The following MYO5B variants were observed in gnomAD, a reference collection of about 807,000 sequenced individuals.
MYO5B encodes the protein myosin VB.
A neutral mutation model predicts 229.3 loss-of-function variants in MYO5B; 143 were observed. The ratio of observed to expected loss-of-function variants is 0.62; its 90% confidence interval spans 0.54 to 0.72. The LOEUF (loss-of-function observed/expected upper bound fraction) is 0.72. Ranked by LOEUF, MYO5B falls within the 30% of genes least tolerant of loss-of-function variation. MYO5B has a pLI of 0.00. For missense variants in MYO5B, 2,321 were observed against 2,331.0 expected (o/e 1.00, Z 0.09); for synonymous variants, 918 against 885.2 (o/e 1.04, Z -0.66).
At chr18:49,957,158 A>AG (rs1389828154) in intron 12 of MYO5B, among the ~76,000 whole-genome samples, 2 of 150,346 alleles carry the variant, frequency 1.3e-5, no homozygotes, top group Non-Finnish European at 3.0e-5. Context: ...AAAAAAAAAA[A>AG]AAAAAAAGCA....
intron 1 of MYO5B, among the ~76,000 whole-genome samples, chr18:50,087,652 C>T (rs2031360094): frequency 6.6e-6 from 1 of 151,828 alleles, no homozygotes. Context: ...CTGTGTCTGT[C>T]ATCTATGCAG....
intron 1 of MYO5B, among the ~76,000 whole-genome samples, chr18:50,149,751 T>A (rs1051948932): frequency 5.3e-5 from 8 of 152,112 alleles, no homozygotes; most frequent in African/African-American, 1.5e-4. Context: ...AACCTAGGCA[T>A]TACCATTCAG....
chr18:50,099,510 T>G (rs2031614528), intron 1 of MYO5B, among the ~76,000 whole-genome samples: 1 of 152,210 alleles, frequency 6.6e-6, no homozygotes. Flanking sequence ...CTGGCTTAGA[T>G]GCAAAGCCAG....
intron 1 of MYO5B, among the ~76,000 whole-genome samples, chr18:50,085,438 G>A (rs1444980751): frequency 6.6e-6 from 1 of 151,964 alleles, no homozygotes; most frequent in Non-Finnish European, 1.5e-5. Context: ...AGGATGTGGA[G>A]AAATAGGAAC....
intron 39 of MYO5B, among the ~76,000 whole-genome samples, chr18:49,828,176 A>G (rs2023869242): frequency 6.6e-6 from 1 of 152,240 alleles, no homozygotes. Context: ...TGTATAAGGT[A>G]TCCTCAAATA....
At chr18:49,827,830 A>T (rs2023865359) in intron 39 of MYO5B, among the ~76,000 whole-genome samples, 1 of 151,912 alleles carries the variant, frequency 6.6e-6, no homozygotes, top group African/African-American at 2.4e-5. Flanking sequence ...AAGTTCAATG[A>T]ACTCCAAGCA....
intron 1 of MYO5B, among the ~76,000 whole-genome samples, chr18:50,145,723 T>G (rs1238588425): frequency 6.6e-6 from 1 of 151,936 alleles, no homozygotes; most frequent in African/African-American, 2.4e-5. Context: ...TCAAAAGAGG[T>G]TGGAACTGAA....
At chr18:50,097,429 T>A (rs2031573846) in intron 1 of MYO5B, 1 of 362,626 alleles carries the variant, frequency 2.8e-6, no homozygotes, top group Non-Finnish European at 5.6e-6. Flanking sequence ...ATAAAACTTG[T>A]TTGGGCCACA....
rs578046370 is a variant in MYO5B, at chr18:50,185,807, A to G, written c.27+8960T>C. The stretch of plus-strand genomic sequence containing the variant: ...TATTTTTAAGAAAAAATTACAGTAC[A>G]TCCATATGCTGCCTTGTGCAGCCAT... On this transcript the variant is annotated intron_variant, in intron 1 of 39. Coordinates refer to ENST00000285039, the MANE Select transcript of MYO5B (RefSeq NM_001080467.3). Among the ~76,000 whole-genome samples the G allele has an allele frequency of 1.5e-4, 23 of 152,258 alleles. 1 individual carries two copies. Among genetic ancestry groups the G allele is most frequent in the African/African-American group, 5.5e-4 (23 of 41,528 alleles).
intron 1 of MYO5B, among the ~76,000 whole-genome samples, chr18:50,133,975 G>A (rs976085961): frequency 6.6e-6 from 1 of 152,158 alleles, no homozygotes; most frequent in African/African-American, 2.4e-5. Context: ...AAGAAAAGAT[G>A]GGGCAATGAA....
intron 17 of MYO5B, among the ~76,000 whole-genome samples, chr18:49,922,393 T>C (rs1490485820): frequency 6.6e-6 from 1 of 152,184 alleles, no homozygotes; most frequent in Non-Finnish European, 1.5e-5. Context: ...ATTACAGGTA[T>C]AAGAGCTTCC....
chr18:50,052,207 A>G (rs1389531593), intron 2 of MYO5B, among the ~76,000 whole-genome samples: 1 of 152,208 alleles, frequency 6.6e-6, no homozygotes, highest in East Asian at 1.9e-4. Flanking sequence ...ATTACTGGGT[A>G]TATACCAAAA....
rs138649395 is a variant in MYO5B at position 49,844,464 on chromosome 18, C to T, written c.4460-1072G>A. ...AATGGCAATGAAGGGAGGCCACCTCCCTCCCACCTGCAGGTGGGCAGTATC... is the reference window on the plus strand; with the variant it reads ...AATGGCAATGAAGGGAGGCCACCTCTCTCCCACCTGCAGGTGGGCAGTATC... On this transcript the variant is annotated intron_variant, in intron 33 of 39. Coordinates refer to ENST00000285039, the MANE Select transcript of MYO5B (RefSeq NM_001080467.3). Among the ~76,000 whole-genome samples the T allele has an allele frequency of 6.1e-3, 924 of 152,300 alleles. 12 individuals carry two copies. Among genetic ancestry groups the T allele is most frequent in the African/African-American group, 0.021 (882 of 41,562 alleles).
intron 8 of MYO5B, 35 bp downstream of exon 8, chr18:49,984,683 T>A: frequency 6.6e-7 from 1 of 1,520,320 alleles, no homozygotes; most frequent in Non-Finnish European, 9.1e-7. Context: ...CCATCAGCCC[T>A]CGGGGCCTGC....
At chr18:50,087,264 T>C (rs2031349958) in intron 1 of MYO5B, among the ~76,000 whole-genome samples, 1 of 152,178 alleles carries the variant, frequency 6.6e-6, no homozygotes, top group Non-Finnish European at 1.5e-5. Context: ...TAAAACATCT[T>C]AGAGACTGTT....
rs536032298 is a variant in MYO5B at position 49,969,269 on chromosome 18, A to G, written c.1322+5081T>C. Among the ~76,000 whole-genome samples the G allele has an allele frequency of 5.3e-5, 8 of 152,306 alleles. No homozygotes were observed. In the East Asian group the frequency reaches 1.2e-3, roughly 22 times the overall value. ...TAGAGAAGAGATGGGTAGCCTCCAA[A>G]TAATTATTGCAGCTTTGAGGTTATT... On this transcript the variant is annotated intron_variant, in intron 10 of 39. Transcript: ENST00000285039.
intron 25 of MYO5B, 41 bp downstream of exon 25, chr18:49,877,722 C>G (rs1407053480): frequency 5.0e-6 from 8 of 1,612,732 alleles, no homozygotes; most frequent in Non-Finnish European, 6.8e-6. Flanking sequence ...ACACACACTC[C>G]CTCTGGAGGA....
intron 1 of MYO5B, among the ~76,000 whole-genome samples, chr18:50,078,768 G>A (rs1456480325): frequency 6.6e-6 from 1 of 152,128 alleles, no homozygotes; most frequent in Non-Finnish European, 1.5e-5. Flanking sequence ...GCACACGTAT[G>A]TTTACCAAAA....
In MYO5B at chr18:49,974,596, C is replaced by T; in HGVS notation, c.1076G>A (p.Ser359Asn). ...CSISPQDVYL[S>N]NFCRLLGVEH... ...CACCCCTAGCAGTCGGCAGAAGTTG[C>T]TTAGGTATACATCCTGGGGCTGTGG... is the stretch of plus-strand genomic sequence containing the variant. The change falls in exon 10 of 40, where the codon AGC (serine) becomes AAC (asparagine). Residue 359 changes from serine (S) to asparagine (N), a missense_variant. Coordinates refer to ENST00000285039, the MANE Select transcript of MYO5B (RefSeq NM_001080467.3). 6.2e-7 allele frequency: 1 copy of T among 1,613,986 alleles called. No individual in the cohort carries two copies. Among genetic ancestry groups the T allele is most frequent in the Non-Finnish European group, 8.5e-7 (1 of 1,179,962 alleles).
Sources: gnomAD v4.1 joint callset for allele counts (sites outside exome capture counted in the v4.1 genomes callset) on GRCh38, gnomAD v4.1.1 for gene constraint, MANE v1.5 for transcripts, NCBI Gene and HGNC (gene_info 2026-07-23, HGNC 2026-07-21) for gene names.